Variants in KCNMA1 observed in about 807,000 individuals in gnomAD.
KCNMA1 encodes Calcium-activated potassium channel subunit alpha-1.
A neutral mutation model predicts 140.0 loss-of-function variants in KCNMA1; 29 were observed. That is an observed-to-expected ratio of 0.21 (90% CI 0.15 to 0.28). The LOEUF (loss-of-function observed/expected upper bound fraction) is 0.28, where lower values mean the gene tolerates loss of function less well. KCNMA1 is among the 10% of genes least tolerant of loss of function. The probability of loss-of-function intolerance (pLI) is 1.00; values close to 1 mark genes in which losing one functional copy is unlikely to be tolerated. For synonymous variants in KCNMA1, 612 were observed against 611.9 expected (o/e 1.00, Z 0.00); for missense variants, 880 against 1,602.2 (o/e 0.55, Z 7.70).
intron 15 of KCNMA1, among the ~76,000 whole-genome samples, chr10:77,034,467 C>T (rs911695093): frequency 6.6e-6 from 1 of 152,138 alleles, no homozygotes; most frequent in African/African-American, 2.4e-5. Context: ...CAGCTTTCGC[C>T]GGGCGGTCTT....
chr10:76,879,307 C>T (rs763829188), intron 29 of KCNMA1, among the ~76,000 whole-genome samples: 16 of 152,164 alleles, frequency 1.1e-4, no homozygotes, highest in Non-Finnish European at 1.9e-4. Flanking sequence ...GTTTACCCCA[C>T]AGGAAACTTG....
chr10:77,269,386 A>C (rs1249311184), intron 2 of KCNMA1, among the ~76,000 whole-genome samples: 1 of 152,154 alleles, frequency 6.6e-6, no homozygotes, highest in Non-Finnish European at 1.5e-5. Context: ...ACAGCTTAGA[A>C]CTCTGCATTT....
chr10:77,151,291 A>T (rs937895962), intron 5 of KCNMA1, among the ~76,000 whole-genome samples: 10 of 151,214 alleles, frequency 6.6e-5, no homozygotes, highest in Non-Finnish European at 1.2e-4. Flanking sequence ...CAGTGGTGCC[A>T]GATCAGCTCA....
rs535901643 is a variant in KCNMA1 at position 77,326,819 on chromosome 10, T to C, written c.541-75563A>G. On this transcript the variant is annotated intron_variant, in intron 2 of 27. Transcript: ENST00000286628. ...TTTCCACTTTGGGCCTCAGCTTCCT[T>C]AGCTATAAATAAATGAGTTTTCCAG... 1.6e-4 allele frequency among the ~76,000 whole-genome samples: 25 copies of C among 152,336 alleles called. No homozygotes were observed. In the South Asian group the frequency reaches 5.2e-3, roughly 32 times the overall value.
At chr10:77,309,255 G>A (rs1270469414) in intron 2 of KCNMA1, among the ~76,000 whole-genome samples, 1 of 152,206 alleles carries the variant, frequency 6.6e-6, no homozygotes, top group Non-Finnish European at 1.5e-5. Context: ...GTACACACGA[G>A]CCCACAACCA....
rs2097445806 is a variant in KCNMA1, at chr10:77,115,736, A to G, written c.885-3294T>C. ...AGTAGTGCGTTAGGGAGCTCTTGCCATATGCAGAACATTTAATCATTGTTG... is the reference window on the plus strand; with the variant it reads ...AGTAGTGCGTTAGGGAGCTCTTGCCGTATGCAGAACATTTAATCATTGTTG... On this transcript the variant is annotated intron_variant, in intron 6 of 27. Transcript: ENST00000286628. Among the ~76,000 whole-genome samples, 4 of 152,222 alleles carry G rather than the reference A, an allele frequency of 2.6e-5. No individual in the cohort carries two copies. In the South Asian group the frequency reaches 8.3e-4, roughly 31 times the overall value.
At chr10:76,973,768 A>T (rs1277099540) in intron 19 of KCNMA1, among the ~76,000 whole-genome samples, 1 of 152,220 alleles carries the variant, frequency 6.6e-6, no homozygotes, top group Non-Finnish European at 1.5e-5. Context: ...AGATTTTTAA[A>T]AAAAGAAATA....
At chr10:77,112,284 A>G in intron 7 of KCNMA1, 83 bp downstream of exon 7, 1 of 976,226 alleles carries the variant, frequency 1.0e-6, no homozygotes, top group Non-Finnish European at 1.6e-6. Flanking sequence ...ATTTCCAGCA[A>G]GATAAATTTT....
chr10:77,522,884 A>G (rs187294670), intron 1 of KCNMA1, among the ~76,000 whole-genome samples: 308 of 152,324 alleles, frequency 2.0e-3, no homozygotes, highest in Non-Finnish European at 3.3e-3. Context: ...AGCTTCATAC[A>G]TTAAATAGCA....
At chr10:77,188,880 G>T (rs1208170397) in intron 3 of KCNMA1, among the ~76,000 whole-genome samples, 3 of 152,130 alleles carry the variant, frequency 2.0e-5, no homozygotes, top group African/African-American at 7.2e-5. Flanking sequence ...ACTGCTAGCA[G>T]TTGTTCCTCT....
At chr10:77,384,137 T>C (rs1281628155) in intron 2 of KCNMA1, among the ~76,000 whole-genome samples, 1 of 152,194 alleles carries the variant, frequency 6.6e-6, no homozygotes, top group Non-Finnish European at 1.5e-5. Context: ...TGATGGACAA[T>C]ACAAGATCTG....
chr10:77,198,568 G>GATATATATAT (rs3998087), intron 3 of KCNMA1, among the ~76,000 whole-genome samples: 5,896 of 138,092 alleles, frequency 0.043, 157 homozygotes, highest in Non-Finnish European at 0.058. Flanking sequence ...ATATATATGT[G>GATATATATAT]ATATATATAT....
intron 9 of KCNMA1, among the ~76,000 whole-genome samples, chr10:77,095,257 A>G (rs1288087868): frequency 3.3e-5 from 5 of 152,206 alleles, no homozygotes; most frequent in Non-Finnish European, 7.3e-5. Context: ...TCAATCAATA[A>G]CCATTTCTGA....
intron 9 of KCNMA1, among the ~76,000 whole-genome samples, chr10:77,095,207 A>T (rs558235422): frequency 1.3e-5 from 2 of 152,358 alleles, no homozygotes; most frequent in South Asian, 4.1e-4. Flanking sequence ...CAATTTCTAT[A>T]GGGCCTGACC....
chr10:77,472,397 GACAC>G (rs1303490813), intron 1 of KCNMA1, among the ~76,000 whole-genome samples: 1 of 110,322 alleles, frequency 9.1e-6, no homozygotes, highest in Non-Finnish European at 1.9e-5. Flanking sequence ...AAACATCACA[GACAC>G]AGACACATAC....
intron 2 of KCNMA1, among the ~76,000 whole-genome samples, chr10:77,381,361 TA>T (rs1251802023): frequency 2.6e-5 from 4 of 152,120 alleles, no homozygotes; most frequent in African/African-American, 9.7e-5. Flanking sequence ...TAATTTAAAA[TA>T]GGGGGAAATT....
chr10:77,208,459 G>C (rs1393091701), intron 3 of KCNMA1, among the ~76,000 whole-genome samples: 1 of 152,086 alleles, frequency 6.6e-6, no homozygotes, highest in East Asian at 1.9e-4. Flanking sequence ...ACTCCAGCCT[G>C]GGCAACATAG....
chr10:77,427,540 A>G (rs981187414), intron 1 of KCNMA1, among the ~76,000 whole-genome samples: 42 of 146,168 alleles, frequency 2.9e-4, no homozygotes, highest in African/African-American at 1.0e-3. Flanking sequence ...CTTTGCTAAC[A>G]CCTCACAAGG....
chr10:77,049,614 A>AT (rs2095278167), intron 14 of KCNMA1, among the ~76,000 whole-genome samples: 1 of 152,228 alleles, frequency 6.6e-6, no homozygotes, highest in African/African-American at 2.4e-5. Flanking sequence ...TGCTGGGTTA[A>AT]TATCTGCTGA....
Sources: allele counts gnomAD v4.1 joint callset (sites outside exome capture counted in the v4.1 genomes callset), GRCh38; gene constraint gnomAD v4.1.1; transcripts MANE v1.5; gene names NCBI Gene and HGNC (gene_info 2026-07-23, HGNC 2026-07-21).